Variants in INSYN2A observed in about 807,000 individuals in gnomAD.
The protein encoded by INSYN2A is family with sequence similarity 196 member A.
A neutral mutation model predicts 39.4 loss-of-function variants in INSYN2A; 17 were observed. The observed-to-expected ratio is 0.43, with a 90% CI of 0.30 to 0.65. INSYN2A has a LOEUF of 0.65. Among genes scored for constraint, INSYN2A ranks in the 30% least tolerant of loss-of-function variants. The probability of loss-of-function intolerance (pLI) is 0.14; values close to 1 mark genes in which losing one functional copy is unlikely to be tolerated. For synonymous variants in INSYN2A, 255 were observed against 265.7 expected (o/e 0.96, Z 0.39); for missense variants, 595 against 631.2 (o/e 0.94, Z 0.61).
intron 4 of INSYN2A, among the ~76,000 whole-genome samples, chr10:127,171,974 G>C (rs186043560): frequency 1.6e-4 from 25 of 152,278 alleles, no homozygotes; most frequent in Admixed American, 1.4e-3. Flanking sequence ...CAAAGTGCTG[G>C]GATTACAGGC....
intron 2 of INSYN2A, among the ~76,000 whole-genome samples, chr10:127,178,023 C>G (rs1229445451): frequency 6.6e-6 from 1 of 152,260 alleles, no homozygotes; most frequent in East Asian, 1.9e-4. Context: ...AGGCATGACC[C>G]CTCCCCACAT....
intron 4 of INSYN2A, among the ~76,000 whole-genome samples, chr10:127,164,159 C>CTTTTTTT (rs528947051): frequency 1.6e-5 from 1 of 63,520 alleles, no homozygotes; most frequent in African/African-American, 6.1e-5. Flanking sequence ...CATTTGCCTC[C>CTTTTTTT]TTTTTTTTTT....
intron 4 of INSYN2A, among the ~76,000 whole-genome samples, chr10:127,155,086 C>T (rs1409101834): frequency 6.6e-6 from 1 of 152,148 alleles, no homozygotes. Flanking sequence ...AGCTTATAAA[C>T]ACTCTGGGGG....
rs928271421 is a variant in INSYN2A, at chr10:127,182,275, A to T, written c.-268-5136T>A. Among the ~76,000 whole-genome samples the T allele has an allele frequency of 2.0e-5, 3 of 152,180 alleles. 1 individual carries two copies. The highest frequency in any genetic ancestry group is 4.4e-5 in the Non-Finnish European group (3 of 68,018). On this transcript the variant is annotated intron_variant, in intron 2 of 5. Coordinates refer to ENST00000522781, the MANE Select transcript of INSYN2A (RefSeq NM_001039762.3). Reference sequence around the variant, plus strand: ...TCTTAGGTTCAGCCCCCACTCATGCATATCTGCGGTTTTAGAAAACACTCT... The same window carrying T: ...TCTTAGGTTCAGCCCCCACTCATGCTTATCTGCGGTTTTAGAAAACACTCT...
intron 5 of INSYN2A, among the ~76,000 whole-genome samples, chr10:127,151,990 G>T (rs1311842896): frequency 4.8e-5 from 7 of 144,976 alleles, no homozygotes; most frequent in Admixed American, 1.4e-4. Context: ...AATTATTTCA[G>T]TTAGGTTAAA....
Position 127,175,686 on chromosome 10 carries a change from G to A in INSYN2A, c.710C>T (p.Ser237Phe). The A allele has an allele frequency of 6.2e-7, 1 of 1,613,814 alleles. No individual in the cohort carries two copies. The change falls in exon 4 of 6, where the codon TCC (serine) becomes TTC (phenylalanine). Residue 237 changes from serine (S) to phenylalanine (F), a missense_variant. Coordinates refer to ENST00000522781, the MANE Select transcript of INSYN2A (RefSeq NM_001039762.3). This position sits in a 1 kb window ranked among gnomAD's most constrained non-coding sequence, Gnocchi z 6.3. The stretch of plus-strand genomic sequence containing the variant: ...GAGGGCAGGTGGAGCGGGCTCCTCG[G>A]AGTTTGGCCTCCCCCGGTCCTGCTT... ...RAKQDRGRPNSEEPAPPALRR... is the reference protein window; with the variant it reads ...RAKQDRGRPNFEEPAPPALRR...
chr10:127,159,883 G>C (rs916473108), intron 4 of INSYN2A, among the ~76,000 whole-genome samples: 2 of 152,160 alleles, frequency 1.3e-5, no homozygotes, highest in African/African-American at 4.8e-5. Flanking sequence ...CCGAGGAGCA[G>C]GGCACGGGAG....
intron 4 of INSYN2A, among the ~76,000 whole-genome samples, chr10:127,158,351 T>C (rs970812812): frequency 3.3e-5 from 5 of 152,324 alleles, no homozygotes; most frequent in African/African-American, 9.6e-5. Context: ...TTTTGTAGAT[T>C]AGAAGTTTAG....
intron 1 of INSYN2A, among the ~76,000 whole-genome samples, chr10:127,195,533 G>A (rs2057059204): frequency 7.7e-6 from 1 of 129,056 alleles, no homozygotes; most frequent in African/African-American, 2.6e-5. Context: ...TCCCCCCCCC[G>A]AAGTTAATCA....
intron 4 of INSYN2A, among the ~76,000 whole-genome samples, chr10:127,168,299 G>A (rs572575042): frequency 7.9e-5 from 12 of 152,318 alleles, no homozygotes; most frequent in African/African-American, 2.2e-4. Flanking sequence ...GAGAGACATC[G>A]AAACTGATTT....
In INSYN2A at chr10:127,165,644, A is replaced by C. The variant is rs72834691; in HGVS notation, c.1184+9568T>G. On this transcript the variant is annotated intron_variant, in intron 4 of 5. Coordinates refer to ENST00000522781, the MANE Select transcript of INSYN2A (RefSeq NM_001039762.3). ...TGTTGTTCACATGGATGTGGACATC[A>C]ATATGAGGAAGGAAGAGCCAGACAG... Among the ~76,000 whole-genome samples the C allele has an allele frequency of 2.1e-3, 319 of 152,282 alleles. 2 individuals carry two copies. Among genetic ancestry groups the C allele is most frequent in the Non-Finnish European group, 3.9e-3 (264 of 68,018 alleles).
intron 5 of INSYN2A, among the ~76,000 whole-genome samples, chr10:127,142,514 A>G (rs942388595): frequency 6.6e-6 from 1 of 152,164 alleles, no homozygotes; most frequent in African/African-American, 2.4e-5. Context: ...GATTCAAAGC[A>G]TGAGTCTGAA....
chr10:127,182,762 AT>A (rs1333713992), intron 2 of INSYN2A, among the ~76,000 whole-genome samples: 12 of 152,140 alleles, frequency 7.9e-5, no homozygotes, highest in Non-Finnish European at 1.5e-5. Context: ...AAAGGAACTA[AT>A]TTCCCTGCCT....
chr10:127,140,324 G>T (rs1014951560), intron 5 of INSYN2A, among the ~76,000 whole-genome samples: 2 of 152,124 alleles, frequency 1.3e-5, no homozygotes, highest in African/African-American at 4.8e-5. Context: ...ATTCCTGTTT[G>T]CACTCCCCAT....
intron 2 of INSYN2A, among the ~76,000 whole-genome samples, chr10:127,182,148 G>A (rs1353107478): frequency 6.6e-6 from 1 of 152,142 alleles, no homozygotes; most frequent in African/African-American, 2.4e-5. Flanking sequence ...GAATATTGCA[G>A]TGAAACCTCT....
At chr10:127,185,509 T>G (rs2056147962) in intron 2 of INSYN2A, among the ~76,000 whole-genome samples, 1 of 152,152 alleles carries the variant, frequency 6.6e-6, no homozygotes, top group Admixed American at 6.5e-5. Flanking sequence ...AAGAGAATCT[T>G]AACACTATAC....
At chr10:127,184,393 C>A (rs2056029270) in intron 2 of INSYN2A, among the ~76,000 whole-genome samples, 1 of 148,246 alleles carries the variant, frequency 6.7e-6, no homozygotes, top group Non-Finnish European at 1.5e-5. Context: ...GCTTCTCCTA[C>A]TGATTTCTTC....
intron 1 of INSYN2A, among the ~76,000 whole-genome samples, chr10:127,194,561 A>G (rs1343281851): frequency 1.3e-5 from 2 of 152,230 alleles, no homozygotes; most frequent in East Asian, 3.8e-4. Flanking sequence ...CGTAAGCTTA[A>G]TAAGGGTTAT....
chr10:127,159,286 A>T (rs1589695187), intron 4 of INSYN2A, among the ~76,000 whole-genome samples: 1 of 152,116 alleles, frequency 6.6e-6, no homozygotes, highest in Admixed American at 6.5e-5. Context: ...GGCTTACAGA[A>T]CACAGCGTGG....
Sources: allele counts gnomAD v4.1 joint callset (sites outside exome capture counted in the v4.1 genomes callset), GRCh38; gene constraint gnomAD v4.1.1; non-coding constraint Gnocchi (gnomAD v3.1); transcripts MANE v1.5; gene names NCBI Gene and HGNC (gene_info 2026-07-23, HGNC 2026-07-21).